Variants in LHFPL6 observed in about 807,000 individuals in gnomAD.
The protein encoded by LHFPL6 is LHFPL tetraspan subfamily member 6 protein.
LHFPL6 carries 9 observed loss-of-function variants against 20.6 expected under a neutral mutation model. The ratio of observed to expected loss-of-function variants is 0.44; its 90% confidence interval spans 0.26 to 0.76. The LOEUF is 0.76. Among genes scored for constraint, LHFPL6 ranks in the 30% least tolerant of loss-of-function variants. The pLI is 0.20. For synonymous variants in LHFPL6, 105 were observed against 98.7 expected (o/e 1.06, Z -0.38); for missense variants, 218 against 253.5 (o/e 0.86, Z 0.95).
intron 2 of LHFPL6, among the ~76,000 whole-genome samples, chr13:39,539,106 C>T (rs192616332): frequency 9.5e-4 from 144 of 152,310 alleles, no homozygotes; most frequent in African/African-American, 2.9e-3. Context: ...TTTCCCACCC[C>T]TAATCGGCCC....
intron 2 of LHFPL6, among the ~76,000 whole-genome samples, chr13:39,479,391 C>T (rs1868428725): frequency 6.6e-6 from 1 of 152,102 alleles, no homozygotes; most frequent in Admixed American, 6.6e-5. Context: ...TCTCTGAAAC[C>T]CTTCTACAGA....
At chr13:39,510,763 T>C (rs933691834) in intron 2 of LHFPL6, among the ~76,000 whole-genome samples, 1 of 152,002 alleles carries the variant, frequency 6.6e-6, no homozygotes, top group Non-Finnish European at 1.5e-5. Context: ...AGTGAAAAAG[T>C]TATATAAAAC....
At chr13:39,442,093 T>G (rs1257303877) in intron 2 of LHFPL6, among the ~76,000 whole-genome samples, 1 of 152,088 alleles carries the variant, frequency 6.6e-6, no homozygotes, top group Non-Finnish European at 1.5e-5. Flanking sequence ...CCTCCCATAG[T>G]GCTGGGATTA....
At chr13:39,351,035 T>A (rs1269686206) in intron 3 of LHFPL6, among the ~76,000 whole-genome samples, 1 of 152,232 alleles carries the variant, frequency 6.6e-6, no homozygotes, top group Non-Finnish European at 1.5e-5. Context: ...CTCTGCCTTT[T>A]CATTAATTTG....
At chr13:39,542,096 T>TATAAAATA in intron 2 of LHFPL6, among the ~76,000 whole-genome samples, 1 of 137,138 alleles carries the variant, frequency 7.3e-6, no homozygotes, top group South Asian at 2.5e-4. Context: ...ATCTCAAAAA[T>TATAAAATA]ATAATAATAA....
chr13:39,357,455 T>G (rs1243629224), intron 3 of LHFPL6, among the ~76,000 whole-genome samples: 1 of 152,126 alleles, frequency 6.6e-6, no homozygotes, highest in African/African-American at 2.4e-5. Context: ...AGACGCCAAC[T>G]TTCACCACTC....
At chr13:39,498,960 G>A (rs750443248) in intron 2 of LHFPL6, among the ~76,000 whole-genome samples, 1 of 152,088 alleles carries the variant, frequency 6.6e-6, no homozygotes, top group South Asian at 2.1e-4. Context: ...TCCCAGGTTC[G>A]ACTGATTCTC....
chr13:39,388,076 A>G (rs1870613708), intron 2 of LHFPL6, among the ~76,000 whole-genome samples: 1 of 152,216 alleles, frequency 6.6e-6, no homozygotes, highest in Non-Finnish European at 1.5e-5. Flanking sequence ...AGCCAAGGAA[A>G]GCATATCTTA....
chr13:39,600,998 G>A lies in LHFPL6; in HGVS notation c.219C>T (p.Ser73=). Residue 73 remains serine (S), a synonymous_variant, in exon 2 of 4, where the codon TCC becomes TCT. Coordinates refer to ENST00000379589, the MANE Select transcript of LHFPL6 (RefSeq NM_005780.3). ...VMVEECGRYA[S]FQGIPSAEWR... ...ATTCTGCGCTGGGGATGCCCTGGAAGGAGGCATAGCGCCCACATTCCTCCA... is the reference window on the plus strand; with the variant it reads ...ATTCTGCGCTGGGGATGCCCTGGAAAGAGGCATAGCGCCCACATTCCTCCA... 6.2e-7 allele frequency: 1 copy of A among 1,614,020 alleles called. No individual in the cohort carries two copies. The highest frequency in any genetic ancestry group is 8.5e-7 in the Non-Finnish European group (1 of 1,179,940).
At chr13:39,442,354 C>T (rs1872163275) in intron 2 of LHFPL6, among the ~76,000 whole-genome samples, 1 of 152,186 alleles carries the variant, frequency 6.6e-6, no homozygotes, top group African/African-American at 2.4e-5. Flanking sequence ...ATAAGAAGCT[C>T]TTGAGCAAAC....
intron 2 of LHFPL6, among the ~76,000 whole-genome samples, chr13:39,549,221 A>G (rs188312343): frequency 6.6e-6 from 1 of 152,294 alleles, no homozygotes; most frequent in Admixed American, 6.5e-5. Context: ...ATTTTCAACG[A>G]AAGTGCAAAG....
intron 2 of LHFPL6, among the ~76,000 whole-genome samples, chr13:39,391,772 TC>T (rs1870714071): frequency 6.6e-6 from 1 of 152,134 alleles, no homozygotes; most frequent in Non-Finnish European, 1.5e-5. Flanking sequence ...AAGAAACAAT[TC>T]TTTAAAAATA....
At chr13:39,406,804 T>C (rs1038939241) in intron 2 of LHFPL6, among the ~76,000 whole-genome samples, 4 of 152,240 alleles carry the variant, frequency 2.6e-5, no homozygotes, top group South Asian at 2.1e-4. Flanking sequence ...TTAAGTCTTA[T>C]AGAAACTACT....
intron 2 of LHFPL6, among the ~76,000 whole-genome samples, chr13:39,501,224 G>A (rs1396755942): frequency 6.6e-6 from 1 of 152,142 alleles, no homozygotes; most frequent in Admixed American, 6.5e-5. Context: ...TAGTAAGCAG[G>A]CCTTTTGATT....
At chr13:39,474,738 G>A (rs1322145236) in intron 2 of LHFPL6, among the ~76,000 whole-genome samples, 1 of 151,878 alleles carries the variant, frequency 6.6e-6, no homozygotes, top group Non-Finnish European at 1.5e-5. Context: ...GCTGTCAGAA[G>A]ATGTCCCAGG....
At chr13:39,529,867 C>T (rs1248013587) in intron 2 of LHFPL6, among the ~76,000 whole-genome samples, 1 of 152,058 alleles carries the variant, frequency 6.6e-6, no homozygotes, top group East Asian at 1.9e-4. Flanking sequence ...AACAACAACA[C>T]AATGCGAAAG....
rs1208873004 is a variant in LHFPL6, at chr13:39,344,007, T to G, written c.532A>C (p.Thr178Pro). 6.2e-7 allele frequency: 1 copy of G among 1,613,698 alleles called. No homozygotes were observed. The highest frequency in any genetic ancestry group is 8.5e-7 in the Non-Finnish European group (1 of 1,179,902). ...CACGTGCACAGCAGCATGGCGGCAGTGGCACCTGCTCCCGTGCAGTAGTAG... is the reference window on the plus strand; with the variant it reads ...CACGTGCACAGCAGCATGGCGGCAGGGGCACCTGCTCCCGTGCAGTAGTAG... ...WAYYCTGAGA[T>P]AAMLLCTWLA... Residue 178 changes from threonine to proline, a missense_variant, in exon 4 of 4, where the codon ACT becomes CCT. By Grantham distance (38) the Thr-to-Pro change is conservative (BLOSUM62 -1). Transcript: ENST00000379589.
chr13:39,376,523 C>T (rs1371663483), intron 3 of LHFPL6, among the ~76,000 whole-genome samples: 1 of 152,108 alleles, frequency 6.6e-6, no homozygotes. Flanking sequence ...GTATTATATT[C>T]GACGGAAGTA....
At chr13:39,367,963 C>T (rs1276920834) in intron 3 of LHFPL6, among the ~76,000 whole-genome samples, 1 of 152,200 alleles carries the variant, frequency 6.6e-6, no homozygotes, top group African/African-American at 2.4e-5. Context: ...CTCCACCTAT[C>T]CAAAACATGA....
Sources: gnomAD v4.1 joint callset for allele counts (sites outside exome capture counted in the v4.1 genomes callset) on GRCh38, gnomAD v4.1.1 for gene constraint, MANE v1.5 for transcripts, NCBI Gene and HGNC (gene_info 2026-07-23, HGNC 2026-07-21) for gene names.